The following BIRC6 variants were observed in gnomAD, a reference collection of about 807,000 sequenced individuals.
BIRC6 encodes dual E2 ubiquitin-conjugating enzyme/E3 ubiquitin-protein ligase BIRC6.
BIRC6 carries 98 observed loss-of-function variants against 503.3 expected under a neutral mutation model. The ratio of observed to expected loss-of-function variants is 0.19; its 90% CI spans 0.17 to 0.23. The LOEUF is 0.23. Ranked by LOEUF, BIRC6 falls within the 10% of genes least tolerant of loss-of-function variation. The pLI, the probability that BIRC6 is intolerant of heterozygous loss-of-function variation, is 1.00. For synonymous variants in BIRC6, 2,240 were observed against 2,078.7 expected (o/e 1.08, Z -2.11); for missense variants, 5,360 against 5,806.0 (o/e 0.92, Z 2.50).
At position 32,415,078 on chromosome 2, in the gene BIRC6, G is replaced by C; in HGVS notation, c.1787G>C (p.Arg596Thr). The C allele has an allele frequency of 6.2e-7, 1 of 1,613,896 alleles. No individual in the cohort carries two copies. The highest frequency in any genetic ancestry group is 8.5e-7 in the Non-Finnish European group (1 of 1,179,870). The part of the protein sequence containing the change: ...NSHRSLDGLS[R>T]TQGESISEQG... ...CACAGGTCACTGGATGGTTTAAGCA[G>C]AACTCAGGGTGAAAGTATATCAGAA... Residue 596 changes from arginine to threonine, a missense_variant, in exon 10 of 74, where the codon AGA (arginine) becomes ACA (threonine). Arg to Thr is a moderately conservative substitution (Grantham distance 71). This residue lies in a region of BIRC6 where 700 missense variants were observed against 739.3 expected (regional missense o/e 0.95). Transcript: ENST00000421745.
rs760077386 is a variant in BIRC6, at chr2:32,415,790, C to T, written c.2499C>T (p.Ala833=). ...TAGTGCTTTATAAAATGAATTATGCCACTCGGATAGTGACTTTAGAAGAGG... is the reference window on the plus strand; with the variant it reads ...TAGTGCTTTATAAAATGAATTATGCTACTCGGATAGTGACTTTAGAAGAGG... ...GYLVLYKMNY[A]TRIVTLEEEP... Residue 833 remains alanine (A), a synonymous_variant, in exon 10 of 74, where the codon GCC becomes GCT. Transcript: ENST00000421745. The T allele has an allele frequency of 3.2e-5, 52 of 1,613,516 alleles. No individual in the cohort carries two copies. The highest frequency in any genetic ancestry group is 2.2e-5 in the East Asian group (1 of 44,878).
intron 61 of BIRC6, among the ~76,000 whole-genome samples, chr2:32,537,686 G>T (rs946685651): frequency 4.6e-5 from 7 of 152,114 alleles, no homozygotes; most frequent in Admixed American, 2.0e-4. Context: ...AATTATTTAG[G>T]CCGGGCGCAG....
chr2:32,367,995 C>T (rs2035216139), intron 1 of BIRC6, among the ~76,000 whole-genome samples: 1 of 152,156 alleles, frequency 6.6e-6, no homozygotes, highest in African/African-American at 2.4e-5. Context: ...TTTAAATCTT[C>T]ATAATTTGTT....
At chr2:32,493,508 G>T in intron 44 of BIRC6, 32 bp from the exon 45 acceptor site, 1 of 1,554,296 alleles carries the variant, frequency 6.4e-7, no homozygotes, top group Non-Finnish European at 8.8e-7. Flanking sequence ...TTACCAGTAA[G>T]CAGTTTTCAG....
At chr2:32,471,514 A>G (rs751004958) in intron 32 of BIRC6, among the ~76,000 whole-genome samples, 3 of 152,306 alleles carry the variant, frequency 2.0e-5, no homozygotes, top group South Asian at 2.1e-4. Context: ...GTATCTACTA[A>G]TTAACTACAA....
intron 3 of BIRC6, among the ~76,000 whole-genome samples, chr2:32,387,301 CTTTT>C (rs1281320241): frequency 4.1e-4 from 50 of 123,440 alleles, no homozygotes; most frequent in African/African-American, 1.4e-3. Context: ...CATTCTCCCT[CTTTT>C]TTTTTTTTTT....
intron 6 of BIRC6, 59 bp from the exon 7 acceptor site, chr2:32,401,104 A>T: frequency 1.4e-6 from 2 of 1,427,720 alleles, no homozygotes; most frequent in Middle Eastern, 1.8e-4. Context: ...TTCTGTTTTA[A>T]TGTACAAACT....
At chr2:32,388,400 A>C (rs527812164) in intron 3 of BIRC6, among the ~76,000 whole-genome samples, 208 of 151,924 alleles carry the variant, frequency 1.4e-3, no homozygotes, top group African/African-American at 4.9e-3. Context: ...AAAAAAAAGA[A>C]ATATACAATA....
chr2:32,357,289 C>T lies in BIRC6; in HGVS notation c.128C>T (p.Ser43Leu), dbSNP rs994276054. ...AAAASGPGCS[S>L]AAGAGAAGVS... ...GCGGCCTCGGGCCCCGGCTGCTCCT[C>T]GGCGGCGGGGGCGGGGGCGGCCGGG... The change falls in exon 1 of 74, where the codon TCG becomes TTG. Residue 43 changes from serine (S) to leucine (L), a missense_variant. Physicochemically the swap from Ser to Leu is moderately radical, Grantham distance 145. This residue lies in a region of BIRC6 where 145 missense variants were observed against 106.9 expected (regional missense o/e 1.36). Transcript: ENST00000421745. This position sits in a 1 kb window ranked among gnomAD's most constrained non-coding sequence, Gnocchi z 4.9. The T allele has an allele frequency of 4.1e-5, 62 of 1,524,686 alleles. No individual in the cohort carries two copies. The highest frequency in any genetic ancestry group is 4.8e-5 in the Non-Finnish European group (55 of 1,139,394). 94.4% of individuals were successfully genotyped at this position (1,524,686 alleles called of 1,614,324 possible).
chr2:32,474,098 A>G (rs546800847), intron 33 of BIRC6, among the ~76,000 whole-genome samples: 4 of 152,220 alleles, frequency 2.6e-5, no homozygotes, highest in East Asian at 1.9e-4. Flanking sequence ...AGAAGATTCT[A>G]TATGAAAATC....
At position 32,357,287 on chromosome 2, in the gene BIRC6, C is replaced by T. The variant is rs1490824848; in HGVS notation, c.126C>T (p.Ser42=). The change falls in exon 1 of 74, where the codon TCC becomes TCT. Residue 42 remains serine (S), a synonymous_variant. Coordinates refer to ENST00000421745, the MANE Select transcript of BIRC6 (RefSeq NM_016252.4). This position sits in a 1 kb window ranked among gnomAD's most constrained non-coding sequence, Gnocchi z 4.9. ...CGGCGGCCTCGGGCCCCGGCTGCTC[C>T]TCGGCGGCGGGGGCGGGGGCGGCCG... ...AAAAASGPGC[S]SAAGAGAAGV... 2 of 1,524,896 alleles carry T rather than the reference C, an allele frequency of 1.3e-6. No homozygotes were observed. Among genetic ancestry groups the T allele is most frequent in the Non-Finnish European group, 8.8e-7 (1 of 1,139,384 alleles). The allele number at this position is 1,524,896 out of a possible 1,614,324, so 94.5% of individuals were successfully genotyped here. A position where few individuals can be genotyped will look rare whatever the true frequency, so the allele number is the denominator to read the frequency against.
At chr2:32,398,001 A>T (rs1236631767) in intron 6 of BIRC6, among the ~76,000 whole-genome samples, 1 of 152,022 alleles carries the variant, frequency 6.6e-6, no homozygotes, top group African/African-American at 2.4e-5. Context: ...AAGTCTTCCA[A>T]ATGGGTAGGA....
In BIRC6 at chr2:32,595,950, T is replaced by C. The variant is rs968854481; in HGVS notation, c.13612+806T>C. On this transcript the variant is annotated intron_variant, in intron 68 of 73. Transcript: ENST00000421745. Reference sequence around the variant, plus strand: ...CCTTTTGCCTGACTCAGCTTGGCAATCTAGTCTGTTAACTTCACTCTAAGT... The same window carrying C: ...CCTTTTGCCTGACTCAGCTTGGCAACCTAGTCTGTTAACTTCACTCTAAGT... Among the ~76,000 whole-genome samples the C allele has an allele frequency of 2.6e-5, 4 of 152,190 alleles. No individual in the cohort carries two copies. In the South Asian group the frequency reaches 8.3e-4, roughly 31 times the overall value.
chr2:32,601,282 A>C (rs2062036005), intron 70 of BIRC6, among the ~76,000 whole-genome samples: 1 of 152,228 alleles, frequency 6.6e-6, no homozygotes, highest in African/African-American at 2.4e-5. Flanking sequence ...ACCTTTCTGC[A>C]TTTACGAGAA....
intron 29 of BIRC6, among the ~76,000 whole-genome samples, 156 bp from the exon 30 acceptor site, chr2:32,469,239 G>T (rs1343089672): frequency 6.6e-6 from 1 of 152,132 alleles, no homozygotes; most frequent in African/African-American, 2.4e-5. Flanking sequence ...GTATGTAACA[G>T]ATTTCTACAT....
chr2:32,375,453 G>A (rs888909015), intron 1 of BIRC6, among the ~76,000 whole-genome samples: 1 of 151,766 alleles, frequency 6.6e-6, no homozygotes, highest in Admixed American at 6.6e-5. Context: ...GTTGCCCTGG[G>A]CAACGTAACG....
In BIRC6 at chr2:32,430,917, A is replaced by G. The variant is rs145516075; in HGVS notation, c.3075A>G (p.Leu1025=). The G allele has an allele frequency of 8.6e-5, 138 of 1,608,900 alleles. No homozygotes were observed. In the African/African-American group the frequency reaches 1.7e-3, roughly 20 times the overall value. ...QPFTLEILTS[L]VELTRFETLT... ...TCACCCTTGAAATCTTGACATCCCT[A>G]GTGGAGCTAACCCGCTTTGAGACTT... Residue 1025 remains leucine, a synonymous_variant, in exon 12 of 74, where the codon CTA becomes CTG. Coordinates refer to ENST00000421745, the MANE Select transcript of BIRC6 (RefSeq NM_016252.4).
intron 72 of BIRC6, 67 bp downstream of exon 72, chr2:32,607,710 G>T: frequency 7.4e-7 from 1 of 1,345,482 alleles, no homozygotes; most frequent in South Asian, 1.5e-5. Flanking sequence ...GGGCATGGTG[G>T]CTCATGCCTG....
rs2045865279 is a variant in BIRC6 at position 32,445,555 on chromosome 2, T to C, written c.4371T>C (p.Tyr1457=). Residue 1457 remains tyrosine, a synonymous_variant, in exon 21 of 74, where the codon TAT becomes TAC. Transcript: ENST00000421745. Reference sequence around the variant, plus strand: ...ATTGGTATTTTGTCTTACTGAATTATGTGAAAGATGAAGATCTGGCTGGAT... The same window carrying C: ...ATTGGTATTTTGTCTTACTGAATTACGTGAAAGATGAAGATCTGGCTGGAT... ...SVYWYFVLLN[Y]VKDEDLAGCS... 1 of 1,600,658 alleles carries C rather than the reference T, an allele frequency of 6.2e-7. No homozygotes were observed. Among genetic ancestry groups the C allele is most frequent in the Non-Finnish European group, 8.5e-7 (1 of 1,173,896 alleles).
Sources: gnomAD v4.1 joint callset for allele counts (sites outside exome capture counted in the v4.1 genomes callset) on GRCh38, gnomAD v4.1.1 for gene constraint, gnomAD v4.1.1 regional missense constraint, Gnocchi (gnomAD v3.1) non-coding constraint, MANE v1.5 for transcripts, NCBI Gene and HGNC (gene_info 2026-07-23, HGNC 2026-07-21) for gene names.